The following RHBDL3 variants were observed in gnomAD, a reference collection of about 807,000 sequenced individuals.
The protein encoded by RHBDL3 is rhomboid like 3.
A neutral mutation model predicts 48.2 loss-of-function variants in RHBDL3; 28 were observed. That is an observed-to-expected ratio of 0.58 (90% CI 0.43 to 0.80). The LOEUF (loss-of-function observed/expected upper bound fraction) is 0.80. Ranked by LOEUF, RHBDL3 falls within the 30% of genes least tolerant of loss-of-function variation. The pLI is 0.00. For synonymous variants in RHBDL3, 208 were observed against 232.3 expected (o/e 0.90, Z 0.95); for missense variants, 464 against 542.7 (o/e 0.85, Z 1.44).
At chr17:32,319,984 G>T (rs2041083351) in intron 8 of RHBDL3, among the ~76,000 whole-genome samples, 1 of 151,996 alleles carries the variant, frequency 6.6e-6, no homozygotes, top group Admixed American at 6.6e-5. Flanking sequence ...CTTAGAATCT[G>T]TTACAGGTCT....
intron 4 of RHBDL3, among the ~76,000 whole-genome samples, chr17:32,290,361 A>T (rs947692761): frequency 1.3e-5 from 2 of 152,188 alleles, no homozygotes; most frequent in African/African-American, 4.8e-5. Context: ...AGGGCCAGAG[A>T]ATTCAGTTTG....
Position 32,266,217 on chromosome 17 carries a change from GCGGT to G in RHBDL3, c.29_32del (p.Ala10GlyfsTer88). 7.1e-7 allele frequency: 1 copy of G among 1,414,592 alleles called. No homozygotes were observed. The highest frequency in any genetic ancestry group is 9.2e-7 in the Non-Finnish European group (1 of 1,090,004). 87.6% of individuals were successfully genotyped at this position (1,414,592 alleles called of 1,614,324 possible). A position where few individuals can be genotyped will look rare whatever the true frequency, so the allele number is the denominator to read the frequency against. On this transcript the variant is annotated frameshift_variant, in exon 1 of 9. Transcript: ENST00000269051. LOFTEE classifies it high-confidence loss of function. Reference sequence around the variant, plus strand: ...GGGCGAGCACCCCAGCCCGGGCCCCGCGGTGGCCGCCTGCGCCGAGGCGGAGCGC... The same window carrying G: ...GGGCGAGCACCCCAGCCCGGGCCCCGGGCCGCCTGCGCCGAGGCGGAGCGC...
Position 32,272,268 on chromosome 17 carries a change from T to C in RHBDL3, c.135+4343T>C, listed in dbSNP as rs144692038. Among the ~76,000 whole-genome samples, 28 of 152,362 alleles carry C rather than the reference T, an allele frequency of 1.8e-4. 1 individual carries two copies. Among genetic ancestry groups the C allele is most frequent in the African/African-American group, 6.5e-4 (27 of 41,584 alleles). On this transcript the variant is annotated intron_variant, in intron 2 of 8. Coordinates refer to ENST00000269051, the MANE Select transcript of RHBDL3 (RefSeq NM_138328.3). ...ACACTTCTGAGCCCAGAGGATTTTT[T>C]TGCTTTCTGACTTCCAGTGTCTCCC...
chr17:32,297,534 T>C (rs532247461), intron 5 of RHBDL3, among the ~76,000 whole-genome samples: 9 of 151,784 alleles, frequency 5.9e-5, no homozygotes, highest in Admixed American at 4.6e-4. Flanking sequence ...GCCCAGTGAA[T>C]GGAGCAGGTC....
chr17:32,271,793 G>A (rs2039779795), intron 2 of RHBDL3, among the ~76,000 whole-genome samples: 1 of 152,206 alleles, frequency 6.6e-6, no homozygotes, highest in Non-Finnish European at 1.5e-5. Context: ...CTCACTGGGA[G>A]CCTGTATTTC....
chr17:32,285,152 TGGAGGGAAGGGGAGAGAGAAGA>T (rs1226105285), intron 3 of RHBDL3, among the ~76,000 whole-genome samples: 6 of 108,840 alleles, frequency 5.5e-5, no homozygotes, highest in Admixed American at 2.9e-4. Context: ...GAGGGAGGGA[TGGAGGGAAGGGGAGAGAGAAGA>T]GGAGGGGAGG....
intron 7 of RHBDL3, among the ~76,000 whole-genome samples, chr17:32,306,877 C>T (rs1026807922): frequency 6.6e-6 from 1 of 152,186 alleles, no homozygotes; most frequent in Non-Finnish European, 1.5e-5. Context: ...GCAGAGATTG[C>T]ACCACTGCAC....
At chr17:32,285,011 G>T (rs982078407) in intron 3 of RHBDL3, among the ~76,000 whole-genome samples, 194 bp downstream of exon 3, 9 of 152,230 alleles carry the variant, frequency 5.9e-5, no homozygotes, top group Non-Finnish European at 1.3e-4. Context: ...CGCAGTGTCA[G>T]CCCATCCTCA....
intron 2 of RHBDL3, among the ~76,000 whole-genome samples, chr17:32,276,778 T>TTACTCCGGCCCTAGCACAG (rs2039916364): frequency 4.5e-5 from 2 of 44,672 alleles, no homozygotes; most frequent in Non-Finnish European, 8.0e-5. Context: ...CCCTAGCACC[T>TTACTCCGGCCCTAGCACAG]TACTCCGGCC....
rs186479798 is a variant in RHBDL3 at position 32,319,281 on chromosome 17, G to T, written c.944-1677G>T. Reference sequence around the variant, plus strand: ...ACTAAAAATACAAAAAATTAGCCGGGTGTGGTGGCACATGCCTGTAGTCCC... The same window carrying T: ...ACTAAAAATACAAAAAATTAGCCGGTTGTGGTGGCACATGCCTGTAGTCCC... On this transcript the variant is annotated intron_variant, in intron 8 of 8. Transcript: ENST00000269051. 2.0e-3 allele frequency among the ~76,000 whole-genome samples: 303 copies of T among 152,102 alleles called. 4 individuals carry two copies. The highest frequency in any genetic ancestry group is 4.1e-4 in the Non-Finnish European group (28 of 67,976).
rs754296696 is a variant in RHBDL3, at chr17:32,316,262, C to T, written c.913C>T (p.Leu305=). The change falls in exon 8 of 9, where the codon CTG becomes TTG. Residue 305 remains leucine, a synonymous_variant. Transcript: ENST00000269051. ...NWSGMKCQFK[L]LRMAVALICM... is the part of the protein sequence containing the mutation. ...GTCAGGCATGAAGTGCCAGTTCAAG[C>T]TGCTGCGGATGGCTGTGGCCCTTAT... 1.9e-6 allele frequency: 3 copies of T among 1,613,834 alleles called. No individual in the cohort carries two copies. In the African/African-American group the frequency reaches 4.0e-5, roughly 22 times the overall value.
Position 32,269,009 on chromosome 17 carries a change from G to A in RHBDL3, c.135+1084G>A, listed in dbSNP as rs548015280. Among the ~76,000 whole-genome samples the A allele has an allele frequency of 3.3e-5, 5 of 152,200 alleles. No homozygotes were observed. In the South Asian group the frequency reaches 1.0e-3, roughly 32 times the overall value. Reference sequence around the variant, plus strand: ...AGATCTTAATAGACCGTAGGTGAGGGGAACCACATATCTAACTTTGAGATT... The same window carrying A: ...AGATCTTAATAGACCGTAGGTGAGGAGAACCACATATCTAACTTTGAGATT... On this transcript the variant is annotated intron_variant, in intron 2 of 8. Transcript: ENST00000269051.
chr17:32,284,077 C>G (rs2040135065), intron 2 of RHBDL3: 1 of 152,336 alleles, frequency 6.6e-6, no homozygotes, highest in African/African-American at 2.4e-5. Flanking sequence ...TGCGCGCGCA[C>G]AAACACCCCC....
chr17:32,273,030 C>G (rs188305055), intron 2 of RHBDL3, among the ~76,000 whole-genome samples: 173 of 152,314 alleles, frequency 1.1e-3, no homozygotes, highest in African/African-American at 4.1e-3. Context: ...GACATAGTTT[C>G]GCTCTTGTTG....
rs1478492761 is a variant in RHBDL3, at chr17:32,285,114, AAGGGAGGGAGGGAGGGAGAGAGAG to A, written c.294+311_294+334del. On this transcript the variant is annotated intron_variant, in intron 3 of 8. Coordinates refer to ENST00000269051, the MANE Select transcript of RHBDL3 (RefSeq NM_138328.3). Reference sequence around the variant, plus strand: ...CATACCCTCAGGCTGCACCTTGCAGAAGGGAGGGAGGGAGGGAGAGAGAGAGGGAGGGAGGGATGGAGGGAAGGG... The same window carrying A: ...CATACCCTCAGGCTGCACCTTGCAGAAGGGAGGGAGGGATGGAGGGAAGGG... Among the ~76,000 whole-genome samples, 9 of 142,294 alleles carry A rather than the reference AAGGGAGGGAGGGAGGGAGAGAGAG, an allele frequency of 6.3e-5. No homozygotes were observed. The South Asian group carries it at 1.3e-3, about 20-fold the overall frequency. 93.4% of individuals were successfully genotyped at this position (142,294 alleles called of 152,430 possible).
At chr17:32,276,804 G>GGCCCTAGCACCGTACTCCA (rs1567763654) in intron 2 of RHBDL3, among the ~76,000 whole-genome samples, 7 of 68,950 alleles carry the variant, frequency 1.0e-4, no homozygotes, top group Non-Finnish European at 1.5e-4. Context: ...ACCTTACTCC[G>GGCCCTAGCACCGTACTCCA]GCCCTAGCAC....
chr17:32,312,583 T>C (rs553789529), intron 7 of RHBDL3, among the ~76,000 whole-genome samples: 3 of 152,094 alleles, frequency 2.0e-5, no homozygotes, highest in African/African-American at 7.2e-5. Flanking sequence ...AGTGGCGCAA[T>C]ATCGTCTCAC....
chr17:32,321,097 C>T lies in RHBDL3; in HGVS notation c.1083C>T (p.Tyr361=), dbSNP rs760884300. The T allele has an allele frequency of 2.1e-5, 34 of 1,614,110 alleles. No individual in the cohort carries two copies. The highest frequency in any genetic ancestry group is 2.4e-5 in the Non-Finnish European group (28 of 1,180,034). The change falls in exon 9 of 9, where the codon TAC becomes TAT. Residue 361 remains tyrosine, a synonymous_variant. Transcript: ENST00000269051. The part of the protein sequence containing the change: ...ITLGVVVLRN[Y]EQRLQDQSLW... ...TGGGCGTGGTGGTCCTGAGGAACTA[C>T]GAGCAGAGGCTCCAGGACCAGTCAC...
chr17:32,266,811 C>T (rs2039644101), intron 1 of RHBDL3, among the ~76,000 whole-genome samples: 1 of 152,198 alleles, frequency 6.6e-6, no homozygotes, highest in Admixed American at 6.5e-5. Context: ...TTCAAGCCGG[C>T]CCCCGCCTCT....
Sources: allele counts gnomAD v4.1 joint callset (sites outside exome capture counted in the v4.1 genomes callset), GRCh38; gene constraint gnomAD v4.1.1; transcripts MANE v1.5; gene names NCBI Gene and HGNC (gene_info 2026-07-23, HGNC 2026-07-21).